Variants in LAMA2 observed in about 807,000 individuals in gnomAD.
LAMA2 encodes the protein laminin subunit alpha-2.
A neutral mutation model predicts 364.8 loss-of-function variants in LAMA2; 269 were observed. That is an observed-to-expected ratio of 0.74 (90% CI 0.67 to 0.82). LAMA2 has a LOEUF of 0.82. Ranked by LOEUF, LAMA2 falls within the 40% of genes least tolerant of loss-of-function variation. The probability of loss-of-function intolerance (pLI) is 0.00; values close to 1 mark genes in which losing one functional copy is unlikely to be tolerated. For missense variants in LAMA2, 3,807 were observed against 3,873.2 expected (o/e 0.98, Z 0.45); for synonymous variants, 1,379 against 1,370.6 (o/e 1.01, Z -0.14).
intron 22 of LAMA2, among the ~76,000 whole-genome samples, chr6:129,308,399 A>C (rs1018745889): frequency 6.6e-5 from 10 of 152,228 alleles, no homozygotes. Flanking sequence ...GATATAGCCA[A>C]ACTCTAATTA....
At chr6:129,114,998 G>A (rs1468849531) in intron 4 of LAMA2, among the ~76,000 whole-genome samples, 1 of 151,964 alleles carries the variant, frequency 6.6e-6, no homozygotes, top group Admixed American at 6.6e-5. Context: ...TATTATTCTA[G>A]ATTTAAATTT....
At chr6:129,134,889 G>A (rs995115313) in intron 4 of LAMA2, among the ~76,000 whole-genome samples, 1 of 152,146 alleles carries the variant, frequency 6.6e-6, no homozygotes, top group Admixed American at 6.5e-5. Flanking sequence ...TATTTACCAG[G>A]AGGGTCTCTA....
intron 4 of LAMA2, among the ~76,000 whole-genome samples, chr6:129,119,590 C>T (rs1023292179): frequency 6.6e-6 from 1 of 151,992 alleles, no homozygotes; most frequent in Non-Finnish European, 1.5e-5. Context: ...ATCTGTCGCC[C>T]AGGCTGGACT....
intron 2 of LAMA2, among the ~76,000 whole-genome samples, chr6:129,052,016 TAGAG>T: frequency 6.8e-6 from 1 of 146,748 alleles, no homozygotes; most frequent in African/African-American, 2.5e-5. Context: ...TATATATATG[TAGAG>T]AGAGAGAGAG....
intron 1 of LAMA2, among the ~76,000 whole-genome samples, chr6:128,961,317 T>TGATAGATA (rs1781476343): frequency 2.3e-5 from 1 of 43,358 alleles, no homozygotes; most frequent in East Asian, 7.2e-4. Context: ...AGAACTAATA[T>TGATAGATA]GATATATATA....
intron 33 of LAMA2, among the ~76,000 whole-genome samples, chr6:129,368,221 C>A (rs1777880055): frequency 6.6e-6 from 1 of 152,216 alleles, no homozygotes; most frequent in Admixed American, 6.5e-5. Context: ...AGGATGTCAA[C>A]ACATGGATAT....
chr6:129,366,460 A>T, intron 33 of LAMA2, 99 bp downstream of exon 33: 1 of 1,298,818 alleles, frequency 7.7e-7, no homozygotes, highest in Non-Finnish European at 1.1e-6. Context: ...CCACAGCCCC[A>T]AATCAAGGGA....
intron 9 of LAMA2, among the ~76,000 whole-genome samples, chr6:129,176,570 A>G (rs1350581862): frequency 3.3e-5 from 5 of 152,094 alleles, no homozygotes; most frequent in Admixed American, 6.5e-5. Flanking sequence ...TTTGTTGTCC[A>G]CATATTTTTG....
chr6:129,256,521 T>C (rs2114304141), intron 14 of LAMA2, among the ~76,000 whole-genome samples: 1 of 152,074 alleles, frequency 6.6e-6, no homozygotes. Context: ...ACATTTATGA[T>C]AATATAAATA....
chr6:128,963,183 C>T (rs1781635404), intron 1 of LAMA2, among the ~76,000 whole-genome samples: 1 of 152,030 alleles, frequency 6.6e-6, no homozygotes, highest in South Asian at 2.1e-4. Context: ...GTTAAAGCCC[C>T]TATCCTCCCT....
intron 3 of LAMA2, among the ~76,000 whole-genome samples, chr6:129,080,851 T>C (rs1454538185): frequency 2.0e-5 from 3 of 152,192 alleles, no homozygotes; most frequent in Admixed American, 1.3e-4. Flanking sequence ...CTCAAGGATC[T>C]AGAACTAGAA....
chr6:128,893,507 A>G (rs956417059), intron 1 of LAMA2, among the ~76,000 whole-genome samples: 1 of 151,972 alleles, frequency 6.6e-6, no homozygotes, highest in African/African-American at 2.4e-5. Context: ...GCTTTCAAAC[A>G]TGGCACAAAT....
chr6:129,092,146 G>A (rs1774876229), intron 3 of LAMA2, among the ~76,000 whole-genome samples: 1 of 152,176 alleles, frequency 6.6e-6, no homozygotes. Flanking sequence ...TTTAGGCCAT[G>A]ACCTCCGCTC....
intron 30 of LAMA2, among the ~76,000 whole-genome samples, chr6:129,347,161 T>C (rs1471599761): frequency 4.6e-5 from 7 of 152,056 alleles, no homozygotes; most frequent in Admixed American, 3.3e-4. Context: ...AGTGGTGTTA[T>C]TGATGGAAGC....
At chr6:129,447,139 G>T (rs564069452) in intron 45 of LAMA2, among the ~76,000 whole-genome samples, 1 of 152,244 alleles carries the variant, frequency 6.6e-6, no homozygotes, top group South Asian at 2.1e-4. Context: ...CTTTCCGTAA[G>T]GTACACAAAG....
intron 3 of LAMA2, among the ~76,000 whole-genome samples, chr6:129,065,088 T>A (rs1440913370): frequency 4.6e-5 from 7 of 152,164 alleles, no homozygotes; most frequent in Admixed American, 3.9e-4. Flanking sequence ...CTACCAGGGA[T>A]GCCATGGTTT....
intron 15 of LAMA2, among the ~76,000 whole-genome samples, chr6:129,264,431 G>A (rs948585431): frequency 1.3e-5 from 2 of 152,072 alleles, no homozygotes; most frequent in South Asian, 2.1e-4. Context: ...AGAAATTTTC[G>A]ATTTGAAAAC....
chr6:129,222,791 C>T (rs9388687), intron 12 of LAMA2, among the ~76,000 whole-genome samples: 20,179 of 151,858 alleles, frequency 0.13, 3,356 homozygotes, highest in African/African-American at 0.39. Context: ...TGAATAGTGC[C>T]GCAATAAACA....
chr6:129,512,453 A>C lies in LAMA2; in HGVS notation c.8948A>C (p.Gln2983Pro), dbSNP rs576128902. Reference protein sequence around the residue: ...TTGVLLGISSQKMDGMGIEMI... With the variant: ...TTGVLLGISSPKMDGMGIEMI... ...GGAGTTCTTCTGGGGATCAGTAGTC[A>C]AAAAATGGATGGAATGGGTATTGAA... Residue 2983 changes from glutamine to proline, a missense_variant, in exon 63 of 65, where the codon CAA becomes CCA. Coordinates refer to ENST00000421865, the MANE Select transcript of LAMA2 (RefSeq NM_000426.4). 2 of 1,613,524 alleles carry C rather than the reference A, an allele frequency of 1.2e-6. No homozygotes were observed. Among genetic ancestry groups the C allele is most frequent in the Admixed American group, 1.7e-5 (1 of 60,008 alleles).
Sources: allele counts gnomAD v4.1 joint callset (sites outside exome capture counted in the v4.1 genomes callset), GRCh38; gene constraint gnomAD v4.1.1; transcripts MANE v1.5; gene names NCBI Gene and HGNC (gene_info 2026-07-23, HGNC 2026-07-21).